The following BCAS3 variants were observed in gnomAD, a reference collection of about 807,000 sequenced individuals.
BCAS3 encodes the protein BCAS3 microtubule associated cell migration factor.
A neutral mutation model predicts 116.1 loss-of-function variants in BCAS3; 53 were observed. The observed-to-expected ratio is 0.46, with a 90% CI of 0.37 to 0.57. The LOEUF is 0.57. Among genes scored for constraint, BCAS3 ranks in the 20% least tolerant of loss-of-function variants. The pLI, the probability that BCAS3 is intolerant of heterozygous loss-of-function variation, is 0.00. For missense variants in BCAS3, 917 were observed against 1,165.4 expected, an observed-to-expected ratio of 0.79 and a Z score of 3.10; for synonymous variants, 391 against 408.2, an observed-to-expected ratio of 0.96 and a Z score of 0.51.
At chr17:60,988,338 C>CTTTTTTTTTTTTTTTTTTTTTTTTTGTTT (rs71148317) in intron 14 of BCAS3, among the ~76,000 whole-genome samples, 1 of 66,762 alleles carries the variant, frequency 1.5e-5, no homozygotes, top group South Asian at 8.4e-4. Flanking sequence ...TTTTCTTTTT[C>CTTTTTTTTTTTTTTTTTTTTTTTTTGTTT]TTTTTTTTTT....
chr17:60,792,194 G>T (rs1388149965), intron 6 of BCAS3, among the ~76,000 whole-genome samples: 9 of 152,354 alleles, frequency 5.9e-5, no homozygotes, highest in African/African-American at 2.2e-4. Flanking sequence ...GGTGATGGCA[G>T]TGGTGGCCAT....
rs1303283705 is a variant in BCAS3, at chr17:61,188,579, C to T, written c.2425+104015C>T. ...TTTATTGTTATTGGTGATTCTCTTTCTTTTTCTCTAAACCTTAGCAGTAGG... is the reference window on the plus strand; with the variant it reads ...TTTATTGTTATTGGTGATTCTCTTTTTTTTTCTCTAAACCTTAGCAGTAGG... On this transcript the variant is annotated intron_variant, in intron 22 of 23. Transcript: ENST00000407086. The surrounding 1 kb of genome is among the most constrained non-coding windows in gnomAD (Gnocchi z 4.0). Among the ~76,000 whole-genome samples, 3 of 152,168 alleles carry T rather than the reference C, an allele frequency of 2.0e-5. No individual in the cohort carries two copies. Among genetic ancestry groups the T allele is most frequent in the African/African-American group, 4.8e-5 (2 of 41,444 alleles).
intron 12 of BCAS3, among the ~76,000 whole-genome samples, chr17:60,922,662 C>T (rs753213520): frequency 8.5e-5 from 13 of 152,166 alleles, no homozygotes; most frequent in African/African-American, 3.1e-4. Flanking sequence ...TTTTCAAAAA[C>T]ATCTGAGACA....
chr17:60,947,031 C>T (rs2060539442), intron 13 of BCAS3, among the ~76,000 whole-genome samples, 188 bp from the exon 14 acceptor site: 1 of 152,160 alleles, frequency 6.6e-6, no homozygotes, highest in Non-Finnish European at 1.5e-5. Context: ...TGCTGATATA[C>T]TGATGTGTCA....
At chr17:60,832,199 A>G (rs2050999594) in intron 7 of BCAS3, among the ~76,000 whole-genome samples, 1 of 152,190 alleles carries the variant, frequency 6.6e-6, no homozygotes. Context: ...TGTTTTCAGT[A>G]TGATTGTTAG....
rs1235681467 is a variant in BCAS3, at chr17:61,286,543, C to T, written c.2426-81784C>T. On this transcript the variant is annotated intron_variant, in intron 22 of 23. Coordinates refer to ENST00000407086, the MANE Select transcript of BCAS3 (RefSeq NM_017679.5). The surrounding 1 kb of genome is among the most constrained non-coding windows in gnomAD (Gnocchi z 4.8). ...CGTTAGCATGCTGCTGCTTGGTGCA[C>T]GACCAAAAAGTAACATGTCAGAATA... 6.6e-6 allele frequency among the ~76,000 whole-genome samples: 1 copy of T among 152,066 alleles called. No individual in the cohort carries two copies. Among genetic ancestry groups the T allele is most frequent in the African/African-American group, 2.4e-5 (1 of 41,390 alleles).
chr17:61,374,249 CA>C (rs1294522206), intron 23 of BCAS3, among the ~76,000 whole-genome samples: 1 of 151,410 alleles, frequency 6.6e-6, no homozygotes, highest in African/African-American at 2.4e-5. Context: ...CGGCTCACTG[CA>C]ACCTCTGCCT....
intron 22 of BCAS3, among the ~76,000 whole-genome samples, chr17:61,255,118 G>A (rs930654736): frequency 6.6e-6 from 1 of 152,142 alleles, no homozygotes; most frequent in African/African-American, 2.4e-5. Flanking sequence ...CACAGGGAGA[G>A]CACAATGACT....
rs544231316 is a variant in BCAS3, at chr17:60,738,912, A to AT, written c.322-8278dup. 7.3e-4 allele frequency among the ~76,000 whole-genome samples: 111 copies of AT among 151,032 alleles called. 2 individuals are homozygous for AT. The South Asian group carries it at 0.023, about 31-fold the overall frequency. The stretch of plus-strand genomic sequence containing the variant: ...CAAGCCATCATGACTGGCAAATTTT[A>AT]TTTTTTTTAATTGTTGCTTTGTTTT... On this transcript the variant is annotated intron_variant, in intron 5 of 23. Coordinates refer to ENST00000407086, the MANE Select transcript of BCAS3 (RefSeq NM_017679.5).
chr17:60,687,318 G>A (rs2034200055), intron 3 of BCAS3, among the ~76,000 whole-genome samples: 1 of 152,108 alleles, frequency 6.6e-6, no homozygotes, highest in African/African-American at 2.4e-5. Flanking sequence ...AAGACATCAG[G>A]TGATCCTGGG....
At chr17:60,933,656 A>G (rs2059776895) in intron 13 of BCAS3, among the ~76,000 whole-genome samples, 1 of 152,186 alleles carries the variant, frequency 6.6e-6, no homozygotes, top group Non-Finnish European at 1.5e-5. Flanking sequence ...TTTGGACATA[A>G]AGGTTTTCCC....
At chr17:60,909,138 C>T (rs979455545) in intron 11 of BCAS3, among the ~76,000 whole-genome samples, 2 of 152,092 alleles carry the variant, frequency 1.3e-5, no homozygotes, top group Admixed American at 6.5e-5. Context: ...TTACCAGTCC[C>T]TAGTCCATAG....
rs1245722877 is a variant in BCAS3 at position 61,013,886 on chromosome 17, G to T, written c.1487-1865G>T. On this transcript the variant is annotated intron_variant, in intron 15 of 23. Transcript: ENST00000407086. The surrounding 1 kb of genome is among the most constrained non-coding windows in gnomAD (Gnocchi z 4.4). The stretch of plus-strand genomic sequence containing the variant: ...TCATCTTGTTACGATTTTTTAGAAA[G>T]GCACTTTTGACTTTTCACTACCTCT... Among the ~76,000 whole-genome samples the T allele has an allele frequency of 5.3e-5, 8 of 152,008 alleles. No individual in the cohort carries two copies.
chr17:60,828,970 C>G (rs2050674353), intron 7 of BCAS3, among the ~76,000 whole-genome samples: 1 of 151,976 alleles, frequency 6.6e-6, no homozygotes, highest in Non-Finnish European at 1.5e-5. Context: ...AGTCAAAGAA[C>G]CTGCTATACT....
intron 8 of BCAS3, among the ~76,000 whole-genome samples, chr17:60,871,707 G>A (rs1423188731): frequency 2.0e-5 from 3 of 151,392 alleles, no homozygotes. Context: ...TGATTTCCCA[G>A]TGTTAAACCA....
In BCAS3 at chr17:60,775,373, G is replaced by A. The variant is rs531521436; in HGVS notation, c.403+28094G>A. ...GGACTACTATGATTCTTGCCTTTCA[G>A]AGTCTGGCATCATTTTTTTCTTTCC... On this transcript the variant is annotated intron_variant, in intron 6 of 23. Transcript: ENST00000407086. Among the ~76,000 whole-genome samples the A allele has an allele frequency of 2.0e-5, 3 of 152,228 alleles. No individual in the cohort carries two copies. In the East Asian group the frequency reaches 5.8e-4, roughly 29 times the overall value.
rs534008981 is a variant in BCAS3, at chr17:61,141,752, T to G, written c.2425+57188T>G. ...CCCACCTCTACTAAAAATACAAAAATTAGCTGGGCGTGGTGGCGCACGCCT... is the reference window on the plus strand; with the variant it reads ...CCCACCTCTACTAAAAATACAAAAAGTAGCTGGGCGTGGTGGCGCACGCCT... On this transcript the variant is annotated intron_variant, in intron 22 of 23. Coordinates refer to ENST00000407086, the MANE Select transcript of BCAS3 (RefSeq NM_017679.5). This position sits in a 1 kb window ranked among gnomAD's most constrained non-coding sequence, Gnocchi z 4.3. Among the ~76,000 whole-genome samples the G allele has an allele frequency of 2.7e-5, 4 of 150,452 alleles. No individual in the cohort carries two copies. Among genetic ancestry groups the G allele is most frequent in the African/African-American group, 7.3e-5 (3 of 40,892 alleles).
At chr17:60,986,668 GC>G (rs2063161669) in intron 14 of BCAS3, among the ~76,000 whole-genome samples, 1 of 152,020 alleles carries the variant, frequency 6.6e-6, no homozygotes, top group Admixed American at 6.5e-5. Flanking sequence ...CATATCTTTT[GC>G]CCATTTTAAA....
chr17:61,297,091 T>C (rs1222596347), intron 22 of BCAS3, among the ~76,000 whole-genome samples: 1 of 151,468 alleles, frequency 6.6e-6, no homozygotes, highest in African/African-American at 2.4e-5. Flanking sequence ...AAGTGAGGAG[T>C]GATGAATGCC....
Sources: allele counts gnomAD v4.1 joint callset (sites outside exome capture counted in the v4.1 genomes callset), GRCh38; gene constraint gnomAD v4.1.1; non-coding constraint Gnocchi (gnomAD v3.1); transcripts MANE v1.5; gene names NCBI Gene and HGNC (gene_info 2026-07-23, HGNC 2026-07-21).